The following EFHC2 variants were observed in gnomAD, a reference collection of about 807,000 sequenced individuals.
The protein encoded by EFHC2 is EF-hand domain-containing family member C2.
In EFHC2, 18 loss-of-function variants were observed where a neutral mutation model predicts 52.7. The observed-to-expected ratio is 0.34, with a 90% CI of 0.24 to 0.51. The LOEUF (loss-of-function observed/expected upper bound fraction) is 0.51. Ranked by LOEUF, EFHC2 falls within the 20% of genes least tolerant of loss-of-function variation. EFHC2 has a pLI of 0.97. For synonymous variants in EFHC2, 203 were observed against 204.1 expected (o/e 0.99, Z 0.04); for missense variants, 513 against 562.5 (o/e 0.91, Z 0.89).
At chrX:44,238,772 T>G (rs2037338840) in intron 8 of EFHC2, among the ~76,000 whole-genome samples, 1 of 112,015 alleles carries the variant, frequency 8.9e-6, no homozygotes, top group Non-Finnish European at 1.9e-5. Context: ...AGCCCCATAC[T>G]CCCAATCTGC....
intron 13 of EFHC2, among the ~76,000 whole-genome samples, chrX:44,164,315 T>C (rs1164664754): frequency 8.9e-6 from 1 of 112,072 alleles, no homozygotes; most frequent in Admixed American, 9.5e-5. Flanking sequence ...AATTTGCTCA[T>C]TCAGTAATGA....
At chrX:44,255,606 G>A (rs2037485582) in intron 4 of EFHC2, among the ~76,000 whole-genome samples, 2 of 111,571 alleles carry the variant, frequency 1.8e-5, no homozygotes, top group Non-Finnish European at 1.9e-5. Context: ...CAATACAGGA[G>A]CACCCAGATT....
chrX:44,292,017 T>A (rs2037795568), intron 2 of EFHC2, among the ~76,000 whole-genome samples: 1 of 111,833 alleles, frequency 8.9e-6, no homozygotes, highest in Non-Finnish European at 1.9e-5. Flanking sequence ...GGGGTCACCC[T>A]ATCCTGCAGA....
At chrX:44,300,914 T>C (rs2037863077) in intron 2 of EFHC2, among the ~76,000 whole-genome samples, 2 of 108,863 alleles carry the variant, frequency 1.8e-5, no homozygotes, top group Non-Finnish European at 3.8e-5. Context: ...ATCGAGACCA[T>C]CCTGGCCAGC....
intron 3 of EFHC2, among the ~76,000 whole-genome samples, chrX:44,262,573 G>GAAA (rs1445365140): frequency 1.2e-5 from 1 of 83,726 alleles, no homozygotes; most frequent in African/African-American, 4.2e-5. Context: ...TTGAAAAAAA[G>GAAA]AAAAAAGGGT....
At chrX:44,241,863 G>A (rs1227240762) in intron 8 of EFHC2, among the ~76,000 whole-genome samples, 1 of 111,922 alleles carries the variant, frequency 8.9e-6, no homozygotes, top group African/African-American at 3.2e-5. Flanking sequence ...CAGATATATA[G>A]ATAGATATGG....
intron 1 of EFHC2, among the ~76,000 whole-genome samples, chrX:44,334,100 C>T (rs1185859072): frequency 8.9e-6 from 1 of 111,932 alleles, no homozygotes; most frequent in Non-Finnish European, 1.9e-5. Context: ...TGGCTTAAAC[C>T]ACTGTTAGTC....
In EFHC2 at chrX:44,217,853, CTGTT is replaced by C. The variant is rs907261073; in HGVS notation, c.1751+11792_1751+11795del. On this transcript the variant is annotated intron_variant, in intron 11 of 14. Transcript: ENST00000420999. ...TAAAATAACTTAGAGTGTCATTAGA[CTGTT>C]TGTAACACAAAGGTTAAATGCTTAA... 2.7e-5 allele frequency among the ~76,000 whole-genome samples: 3 copies of C among 112,126 alleles called. No homozygotes were observed. The Admixed American group carries it at 2.8e-4, about 11-fold the overall frequency.
intron 4 of EFHC2, among the ~76,000 whole-genome samples, chrX:44,251,235 T>C (rs1347444792): frequency 7.3e-5 from 3 of 41,320 alleles, no homozygotes; most frequent in African/African-American, 4.0e-4. Context: ...TGAGACTCCA[T>C]CTCAAAAAAA....
At chrX:44,268,365 T>G (rs1341265157) in intron 3 of EFHC2, among the ~76,000 whole-genome samples, 1 of 111,684 alleles carries the variant, frequency 9.0e-6, no homozygotes. Flanking sequence ...TTTCCAAGAT[T>G]CTAAAAGAAG....
chrX:44,223,526 C>T (rs2037209932), intron 11 of EFHC2, among the ~76,000 whole-genome samples: 1 of 109,796 alleles, frequency 9.1e-6, no homozygotes, highest in Non-Finnish European at 1.9e-5. Flanking sequence ...GCTTAACTAG[C>T]CAGAGAGGAT....
At chrX:44,290,170 T>C (rs2037782965) in intron 2 of EFHC2, among the ~76,000 whole-genome samples, 1 of 111,720 alleles carries the variant, frequency 9.0e-6, no homozygotes, top group African/African-American at 3.3e-5. Flanking sequence ...CCATTGCATT[T>C]CAGGAGAATT....
intron 11 of EFHC2, among the ~76,000 whole-genome samples, chrX:44,220,109 G>A (rs1447006940): frequency 8.9e-6 from 1 of 111,826 alleles, no homozygotes; most frequent in African/African-American, 3.2e-5. Flanking sequence ...TTCGTGTGTA[G>A]CCTGCTAGCA....
chrX:44,343,125 AAG>A (rs1305904480), intron 1 of EFHC2, among the ~76,000 whole-genome samples: 1 of 110,884 alleles, frequency 9.0e-6, no homozygotes, highest in Admixed American at 9.6e-5. Context: ...GGTTGCTTGA[AAG>A]AAACCCAGCT....
At chrX:44,291,699 AAATC>A (rs1329213574) in intron 2 of EFHC2, among the ~76,000 whole-genome samples, 1 of 112,348 alleles carries the variant, frequency 8.9e-6, no homozygotes, top group African/African-American at 3.2e-5. Context: ...AAAAATTAGA[AAATC>A]AACACTTGCT....
chrX:44,245,952 T>C (rs1569292556), intron 7 of EFHC2, among the ~76,000 whole-genome samples: 1 of 111,533 alleles, frequency 9.0e-6, no homozygotes, highest in Non-Finnish European at 1.9e-5. Context: ...TTGCTGCTGC[T>C]TGTCAGATCC....
At chrX:44,247,852 G>A (rs989851888) in intron 7 of EFHC2, among the ~76,000 whole-genome samples, 1 of 112,198 alleles carries the variant, frequency 8.9e-6, no homozygotes, top group African/African-American at 3.2e-5. Flanking sequence ...GAAAGGTAGA[G>A]CAAACTAGCA....
intron 8 of EFHC2, among the ~76,000 whole-genome samples, chrX:44,238,053 C>A (rs1185566543): frequency 9.0e-6 from 1 of 111,693 alleles, no homozygotes; most frequent in African/African-American, 3.3e-5. Flanking sequence ...GGTATTGCCA[C>A]TTGATATCTA....
chrX:44,250,418 G>A lies in EFHC2; in HGVS notation c.634C>T (p.Pro212Ser). 8.3e-7 allele frequency: 1 copy of A among 1,206,834 alleles called. No individual in the cohort carries two copies. The highest frequency in any genetic ancestry group is 1.1e-6 in the Non-Finnish European group (1 of 892,434). Reference protein sequence around the residue: ...EVVEHVEPLRPYESLDTLKQF... With the variant: ...EVVEHVEPLRSYESLDTLKQF... ...TTCAGGGTGTCGAGGGATTCGTAGG[G>A]ACGTAAGGGCTCTACGTGTTCTACA... Residue 212 changes from proline (P) to serine (S), a missense_variant, in exon 5 of 15, where the codon CCC (proline) becomes TCC (serine). By Grantham distance (74) the Pro-to-Ser change is moderately conservative (BLOSUM62 -1). Transcript: ENST00000420999.
Sources: gnomAD v4.1 joint callset for allele counts (sites outside exome capture counted in the v4.1 genomes callset) on GRCh38, gnomAD v4.1.1 for gene constraint, MANE v1.5 for transcripts, NCBI Gene and HGNC (gene_info 2026-07-23, HGNC 2026-07-21) for gene names.